A2M: variants seen among roughly 807,000 people sequenced by gnomAD.
A2M encodes the protein C3 and PZP-like alpha-2-macroglobulin domain-containing protein 5.
A neutral mutation model predicts 183.9 loss-of-function variants in A2M; 128 were observed. The ratio of observed to expected loss-of-function variants is 0.70; its 90% CI spans 0.60 to 0.81. The LOEUF (loss-of-function observed/expected upper bound fraction) is 0.81, where lower values mean the gene tolerates loss of function less well. Ranked by LOEUF, A2M falls within the 30% of genes least tolerant of loss-of-function variation. A2M has a pLI of 0.00. For missense variants in A2M, 1,495 were observed against 1,787.6 expected, an observed-to-expected ratio of 0.84 and a Z score of 2.95; for synonymous variants, 592 against 670.8, an observed-to-expected ratio of 0.88 and a Z score of 1.81.
intron 5 of A2M, 62 bp downstream of exon 5, chr12:9,110,252 T>A (rs1938622407): frequency 7.5e-7 from 1 of 1,324,706 alleles, no homozygotes; most frequent in Admixed American, 2.4e-5. Context: ...ACCTCTGAAA[T>A]AAGAACATTT....
Position 9,070,579 on chromosome 12 carries a change from C to T in A2M, c.4104-1G>A, listed in dbSNP as rs1948541707. ...GGAGGCAGAGCGGCTCCCTGTGTAA[C>T]TGAGGATCCAGGGGAGGAAAGGATT... is the stretch of plus-strand genomic sequence containing the variant. On this transcript the variant is annotated splice_acceptor_variant, in intron 31 of 35. Coordinates refer to ENST00000318602, the MANE Select transcript of A2M (RefSeq NM_000014.6). LOFTEE classifies it high-confidence loss of function. The T allele has an allele frequency of 3.1e-6, 5 of 1,610,418 alleles. No homozygotes were observed. The highest frequency in any genetic ancestry group is 4.2e-6 in the Non-Finnish European group (5 of 1,177,216).
chr12:9,097,371 T>C (rs1236227420), intron 15 of A2M, among the ~76,000 whole-genome samples: 1 of 152,184 alleles, frequency 6.6e-6, no homozygotes, highest in East Asian at 1.9e-4. Flanking sequence ...TAAGAGGTTA[T>C]TACAATTGGT....
chr12:9,079,274 T>TC lies in A2M; in HGVS notation c.3088dup (p.Glu1030GlyfsTer31). On this transcript the variant is annotated frameshift_variant, in exon 25 of 36. Transcript: ENST00000318602. LOFTEE classifies it high-confidence loss of function. Reference sequence around the variant, plus strand: ...GTTGCCCTGGTTCCTGCCATATCGCTCCCCAAAGGTGCTGTAGGAGCCATC... The same window carrying TC: ...GTTGCCCTGGTTCCTGCCATATCGCTCCCCCAAAGGTGCTGTAGGAGCCATC... The TC allele has an allele frequency of 6.2e-7, 1 of 1,613,722 alleles. No homozygotes were observed. Among genetic ancestry groups the TC allele is most frequent in the Non-Finnish European group, 8.5e-7 (1 of 1,179,786 alleles).
intron 11 of A2M, 25 bp downstream of exon 11, chr12:9,104,214 A>G (rs1391064715): frequency 1.3e-6 from 2 of 1,599,312 alleles, no homozygotes; most frequent in Admixed American, 1.7e-5. Flanking sequence ...ACTTCATGTC[A>G]TTGGTAATTT....
chr12:9,101,112 G>T, intron 13 of A2M, 32 bp downstream of exon 13: 2 of 1,548,992 alleles, frequency 1.3e-6, no homozygotes, highest in Non-Finnish European at 1.7e-6. Context: ...GTCAGAATGG[G>T]GCAGCAATGC....
At chr12:9,068,985 A>T (rs1323834289) in intron 33 of A2M, 143 bp from the exon 34 acceptor site, 1 of 549,496 alleles carries the variant, frequency 1.8e-6, no homozygotes, top group Non-Finnish European at 3.1e-6. Flanking sequence ...TTGTGCAGAA[A>T]TCTCTCAGAG....
At chr12:9,080,860 T>C (rs188361970) in intron 22 of A2M, among the ~76,000 whole-genome samples, 1 of 152,094 alleles carries the variant, frequency 6.6e-6, no homozygotes, top group Non-Finnish European at 1.5e-5. Context: ...AAATTCATAT[T>C]AAAATGTTTC....
chr12:9,067,864 T>A (rs764262820), intron 35 of A2M, 25 bp from the exon 36 acceptor site: 9 of 1,608,180 alleles, frequency 5.6e-6, no homozygotes, highest in African/African-American at 5.3e-5. Flanking sequence ...AGAAAAAAAA[T>A]TAAGACAGAT....
chr12:9,098,846 T>C, intron 14 of A2M, 90 bp from the exon 15 acceptor site: 3 of 1,438,844 alleles, frequency 2.1e-6, no homozygotes, highest in South Asian at 2.7e-5. Flanking sequence ...TCATGTACAA[T>C]GTATAACCAC....
At chr12:9,073,857 G>A (rs1299443577) in intron 29 of A2M, among the ~76,000 whole-genome samples, 3 of 152,104 alleles carry the variant, frequency 2.0e-5, no homozygotes, top group Non-Finnish European at 4.4e-5. Context: ...TGAGGCCAAG[G>A]CGGATGGATT....
rs1386118392 is a variant in A2M at position 9,093,683 on chromosome 12, T to C, written c.2126-104A>G. ...AAAAAAAAACAAAAAACAAATCGTCTGATGAAATAGAGAGGAAGGAGGAGA... is the reference window on the plus strand; with the variant it reads ...AAAAAAAAACAAAAAACAAATCGTCCGATGAAATAGAGAGGAAGGAGGAGA... On this transcript the variant is annotated intron_variant, in intron 17 of 35. Coordinates refer to ENST00000318602, the MANE Select transcript of A2M (RefSeq NM_000014.6). The C allele has an allele frequency of 6.2e-6, 4 of 648,898 alleles. No individual in the cohort carries two copies. In the African/African-American group the frequency reaches 7.5e-5, roughly 12 times the overall value. The allele number at this position is 648,898 out of a possible 1,614,324, so 40.2% of individuals were successfully genotyped here.
rs1161671254 is a variant in A2M at position 9,069,769 on chromosome 12, G to C, written c.4239C>G (p.Asn1413Lys). The C allele has an allele frequency of 2.5e-6, 4 of 1,612,788 alleles. No individual in the cohort carries two copies. In the South Asian group the frequency reaches 4.4e-5, roughly 18 times the overall value. Residue 1413 changes from asparagine (N) to lysine (K), a missense_variant, in exon 33 of 36, where the codon AAC (asparagine) becomes AAG (lysine). Coordinates refer to ENST00000318602, the MANE Select transcript of A2M (RefSeq NM_000014.6). ...NHVSRTEVSSNHVLIYLDKVS... is the reference protein window; with the variant it reads ...NHVSRTEVSSKHVLIYLDKVS... The stretch of plus-strand genomic sequence containing the variant: ...CCTTATCAAGGTAAATCAAGACATG[G>C]TTGCTGCTGACTTCTGTCCGGCTCA...
At chr12:9,089,001 A>C (rs778471294) in intron 22 of A2M, among the ~76,000 whole-genome samples, 199 bp downstream of exon 22, 2 of 152,256 alleles carry the variant, frequency 1.3e-5, no homozygotes, top group Non-Finnish European at 2.9e-5. Context: ...GCAAAAGATC[A>C]AGACTCAGAA....
At chr12:9,093,395 A>G in intron 18 of A2M, 70 bp downstream of exon 18, 1 of 1,044,792 alleles carries the variant, frequency 9.6e-7, no homozygotes, top group South Asian at 1.3e-5. Flanking sequence ...AAAACAGAAA[A>G]ACTAGCAAAG....
At position 9,100,697 on chromosome 12, in the gene A2M, A is replaced by G. The variant is rs184813288; in HGVS notation, c.1558+447T>C. 4.6e-5 allele frequency among the ~76,000 whole-genome samples: 7 copies of G among 152,370 alleles called. No individual in the cohort carries two copies. In the East Asian group the frequency reaches 1.3e-3, roughly 29 times the overall value. ...CCCTCCCTCAACTTTCTTTTAATTA[A>G]TATTAGATGGAAATGGTCTCTCGTT... On this transcript the variant is annotated intron_variant, in intron 13 of 35. Coordinates refer to ENST00000318602, the MANE Select transcript of A2M (RefSeq NM_000014.6).
chr12:9,082,591 A>G (rs932130764), intron 22 of A2M, among the ~76,000 whole-genome samples: 1 of 152,216 alleles, frequency 6.6e-6, no homozygotes. Context: ...TAAAAACCAG[A>G]AGAAGTGGCT....
intron 16 of A2M, 22 bp downstream of exon 16, chr12:9,095,517 A>G (rs2137826595): frequency 6.2e-7 from 1 of 1,601,552 alleles, no homozygotes; most frequent in Non-Finnish European, 8.5e-7. Flanking sequence ...AGATCAGACC[A>G]TCTGCAACAT....
intron 33 of A2M, chr12:9,069,094 A>G (rs1948484904): frequency 6.6e-6 from 2 of 302,796 alleles, no homozygotes; most frequent in Non-Finnish European, 1.2e-5. Context: ...GGTAAATGAT[A>G]TATACTTTTT....
At chr12:9,114,843 C>G (rs2138002582) in intron 1 of A2M, among the ~76,000 whole-genome samples, 1 of 152,042 alleles carries the variant, frequency 6.6e-6, no homozygotes, top group South Asian at 2.1e-4. Flanking sequence ...TCTGACTGAG[C>G]TATGTTCAAA....
Sources: allele counts gnomAD v4.1 joint callset (sites outside exome capture counted in the v4.1 genomes callset), GRCh38; gene constraint gnomAD v4.1.1; transcripts MANE v1.5; gene names NCBI Gene and HGNC (gene_info 2026-07-23, HGNC 2026-07-21).